RBM20: variants seen among roughly 807,000 people sequenced by gnomAD.
RBM20 encodes RNA binding motif protein 20, also known as RNA-binding protein 20.
Under a neutral mutation model 110.1 loss-of-function variants are expected in RBM20, and 51 were observed. The observed-to-expected ratio is 0.46, with a 90% CI of 0.37 to 0.59. The LOEUF (loss-of-function observed/expected upper bound fraction) is 0.59. Among genes scored for constraint, RBM20 ranks in the 20% least tolerant of loss-of-function variants. RBM20 has a pLI of 0.00. For missense variants in RBM20, 1,512 were observed against 1,574.9 expected (o/e 0.96, Z 0.68); for synonymous variants, 589 against 618.2 (o/e 0.95, Z 0.70).
intron 1 of RBM20, among the ~76,000 whole-genome samples, chr10:110,665,311 C>T (rs774410141): frequency 7.9e-5 from 12 of 152,130 alleles, no homozygotes; most frequent in Admixed American, 1.3e-4. Flanking sequence ...CAGCTGATGG[C>T]GTTCTTTATA....
intron 1 of RBM20, among the ~76,000 whole-genome samples, chr10:110,737,191 A>AAAAAAAAAAAAAC (rs1564830214): frequency 7.0e-6 from 1 of 143,874 alleles, no homozygotes; most frequent in African/African-American, 2.6e-5. Context: ...AAAAAAAAAA[A>AAAAAAAAAAAAAC]AAAAAACACC....
At chr10:110,808,363 G>C (rs554198947) in intron 7 of RBM20, among the ~76,000 whole-genome samples, 1 of 152,234 alleles carries the variant, frequency 6.6e-6, no homozygotes. Flanking sequence ...TTAAGTGGCT[G>C]AGGTGCTGGA....
intron 1 of RBM20, among the ~76,000 whole-genome samples, chr10:110,760,021 G>C (rs1843974545): frequency 6.6e-6 from 1 of 152,170 alleles, no homozygotes; most frequent in Non-Finnish European, 1.5e-5. Flanking sequence ...ACAGGGGAAG[G>C]CTGTGAGCTT....
At chr10:110,681,040 G>T (rs796839743) in intron 1 of RBM20, among the ~76,000 whole-genome samples, 1 of 152,200 alleles carries the variant, frequency 6.6e-6, no homozygotes, top group African/African-American at 2.4e-5. Context: ...TGTCTAGGGG[G>T]CACTTGCTTG....
intron 1 of RBM20, among the ~76,000 whole-genome samples, chr10:110,747,580 T>C (rs1231359920): frequency 6.6e-6 from 1 of 152,194 alleles, no homozygotes; most frequent in Non-Finnish European, 1.5e-5. Flanking sequence ...TTACAATGCT[T>C]CTCTAAGACT....
At chr10:110,757,159 A>G (rs1281576048) in intron 1 of RBM20, among the ~76,000 whole-genome samples, 1 of 152,198 alleles carries the variant, frequency 6.6e-6, no homozygotes, top group Non-Finnish European at 1.5e-5. Flanking sequence ...CAGAGCACAG[A>G]TTCCACCTGC....
At chr10:110,776,292 C>G (rs1358892840) in intron 1 of RBM20, among the ~76,000 whole-genome samples, 1 of 152,226 alleles carries the variant, frequency 6.6e-6, no homozygotes, top group Non-Finnish European at 1.5e-5. Flanking sequence ...ACTTTTGCAT[C>G]TAATTGTCTT....
chr10:110,731,862 T>C (rs2419577), intron 1 of RBM20, among the ~76,000 whole-genome samples: 46,902 of 152,140 alleles, frequency 0.31, 8,707 homozygotes, highest in South Asian at 0.47. Flanking sequence ...GTGTTAAGTT[T>C]ACTGTTGTAG....
intron 1 of RBM20, among the ~76,000 whole-genome samples, chr10:110,682,607 G>C (rs987376460): frequency 6.6e-6 from 1 of 152,202 alleles, no homozygotes; most frequent in African/African-American, 2.4e-5. Context: ...ATTTGAGTTT[G>C]CCTGATGTGT....
chr10:110,679,739 C>G (rs1170770374), intron 1 of RBM20, among the ~76,000 whole-genome samples: 1 of 152,186 alleles, frequency 6.6e-6, no homozygotes, highest in Admixed American at 6.5e-5. Flanking sequence ...CTGTCTGCAG[C>G]GTGGCTGTTT....
intron 1 of RBM20, among the ~76,000 whole-genome samples, chr10:110,688,658 T>C (rs1006961422): frequency 2.0e-5 from 3 of 152,206 alleles, no homozygotes; most frequent in African/African-American, 7.2e-5. Flanking sequence ...AATTTTAGAT[T>C]TACTAAAAAA....
At position 110,692,270 on chromosome 10, in the gene RBM20, T is replaced by A. The variant is rs543605764; in HGVS notation, c.191+47625T>A. The stretch of plus-strand genomic sequence containing the variant: ...TTGGGATTTGTCCCTTAAGATTCCA[T>A]GTGAAGTTTAGGATAAATTTTTCTA... On this transcript the variant is annotated intron_variant, in intron 1 of 13. Transcript: ENST00000369519. 2.0e-5 allele frequency among the ~76,000 whole-genome samples: 3 copies of A among 152,318 alleles called. No homozygotes were observed. In the East Asian group the frequency reaches 5.8e-4, roughly 29 times the overall value.
chr10:110,838,747 G>A lies in RBM20; in HGVS notation c.*2769G>A, dbSNP rs1845167384. On this transcript the variant is annotated 3_prime_UTR_variant, in exon 14 of 14. Coordinates refer to ENST00000369519, the MANE Select transcript of RBM20 (RefSeq NM_001134363.3). Reference sequence around the variant, plus strand: ...ACTGGCCTTCATATTGGAGAGCTAGGGAGAGCCCCTGGGAGGGAGAGAGAT... The same window carrying A: ...ACTGGCCTTCATATTGGAGAGCTAGAGAGAGCCCCTGGGAGGGAGAGAGAT... 1 of 151,918 alleles carries A rather than the reference G, an allele frequency of 6.6e-6. No individual in the cohort carries two copies. The highest frequency in any genetic ancestry group is 1.5e-5 in the Non-Finnish European group (1 of 67,996). The allele number at this position is 151,918 out of a possible 1,614,324, so 9.4% of individuals were successfully genotyped here. A position where few individuals can be genotyped will look rare whatever the true frequency, so the allele number is the denominator to read the frequency against.
chr10:110,823,553 G>A lies in RBM20; in HGVS notation c.3390G>A (p.Gln1130=). The A allele has an allele frequency of 6.5e-7, 1 of 1,546,090 alleles. No homozygotes were observed. The highest frequency in any genetic ancestry group is 1.7e-4 in the Middle Eastern group (1 of 5,966). The change falls in exon 12 of 14, where the codon CAG becomes CAA. Residue 1130 remains glutamine, a synonymous_variant. Coordinates refer to ENST00000369519, the MANE Select transcript of RBM20 (RefSeq NM_001134363.3). ...SPEYTEVELK[Q]PLSLPSWEPE... The stretch of plus-strand genomic sequence containing the variant: ...AGTACACTGAAGTGGAACTGAAACA[G>A]CCCCTTTCTTTGCCCTCTTGGGAAC...
chr10:110,811,554 G>A (rs1362317153), intron 8 of RBM20, among the ~76,000 whole-genome samples: 3 of 152,124 alleles, frequency 2.0e-5, no homozygotes, highest in Admixed American at 6.5e-5. Context: ...AGTGGAGGGG[G>A]GTTAGGAAGT....
intron 1 of RBM20, among the ~76,000 whole-genome samples, chr10:110,771,764 G>A (rs1057432264): frequency 2.0e-5 from 3 of 152,322 alleles, no homozygotes; most frequent in African/African-American, 7.2e-5. Flanking sequence ...TAGGGAGGAG[G>A]TTGTGTAGGG....
chr10:110,805,439 C>G (rs546750962), intron 7 of RBM20, among the ~76,000 whole-genome samples: 1 of 152,294 alleles, frequency 6.6e-6, no homozygotes, highest in Admixed American at 6.5e-5. Flanking sequence ...GTTTCAGTGT[C>G]TTCCCAGGAC....
At chr10:110,674,504 C>G (rs748450332) in intron 1 of RBM20, among the ~76,000 whole-genome samples, 2 of 152,216 alleles carry the variant, frequency 1.3e-5, no homozygotes, top group Non-Finnish European at 2.9e-5. Context: ...ATTACATAAC[C>G]TGTAGCTGCA....
intron 1 of RBM20, among the ~76,000 whole-genome samples, chr10:110,673,050 G>GT (rs1017624903): frequency 2.0e-5 from 3 of 151,962 alleles, no homozygotes; most frequent in South Asian, 2.1e-4. Context: ...ATATTTAGGT[G>GT]TTTTTTTATT....
Sources: allele counts gnomAD v4.1 joint callset (sites outside exome capture counted in the v4.1 genomes callset), GRCh38; gene constraint gnomAD v4.1.1; transcripts MANE v1.5; gene names NCBI Gene and HGNC (gene_info 2026-07-23, HGNC 2026-07-21).